The following CSGALNACT1 variants were observed in gnomAD, a reference collection of about 807,000 sequenced individuals.
The protein encoded by CSGALNACT1 is chondroitin sulfate N-acetylgalactosaminyltransferase 1, also known as beta4GalNAcT-1.
Under a neutral mutation model 51.0 loss-of-function variants are expected in CSGALNACT1, and 52 were observed. That is an observed-to-expected ratio of 1.02 (90% CI 0.82 to 1.29). The LOEUF is 1.29. CSGALNACT1 is among the 50% of genes most tolerant of loss of function. The probability of loss-of-function intolerance (pLI) is 0.00; values close to 1 mark genes in which losing one functional copy is unlikely to be tolerated. For synonymous variants in CSGALNACT1, 341 were observed against 254.4 expected (o/e 1.34, Z -3.24); for missense variants, 935 against 679.2 (o/e 1.38, Z -4.19).
intron 4 of CSGALNACT1, among the ~76,000 whole-genome samples, chr8:19,462,002 A>G (rs1255212565): frequency 6.6e-6 from 1 of 152,132 alleles, no homozygotes; most frequent in Non-Finnish European, 1.5e-5. Context: ...GACATTTGCC[A>G]TGGAGGGCCT....
intron 4 of CSGALNACT1, among the ~76,000 whole-genome samples, chr8:19,496,995 C>A (rs1009343011): frequency 3.3e-5 from 5 of 152,118 alleles, no homozygotes; most frequent in Non-Finnish European, 7.3e-5. Context: ...CTCCCGCCTC[C>A]CCTCTATGGA....
chr8:19,505,055 C>G (rs1433734153), intron 4 of CSGALNACT1, 146 bp downstream of exon 3: 2 of 797,492 alleles, frequency 2.5e-6, no homozygotes, highest in African/African-American at 3.4e-5. Flanking sequence ...AAAAGCCATG[C>G]CGTACCTTTT....
intron 6 of CSGALNACT1, among the ~76,000 whole-genome samples, chr8:19,432,466 T>G (rs1396780093): frequency 6.6e-6 from 1 of 152,186 alleles, no homozygotes; most frequent in Non-Finnish European, 1.5e-5. Context: ...AGATTAATGT[T>G]TTCCATCAAA....
intron 3 of CSGALNACT1, among the ~76,000 whole-genome samples, chr8:19,528,942 C>T (rs955146979): frequency 6.6e-6 from 1 of 152,176 alleles, no homozygotes; most frequent in African/African-American, 2.4e-5. Flanking sequence ...ACACAGCCTT[C>T]AGAAGGTCTA....
intron 1 of CSGALNACT1, among the ~76,000 whole-genome samples, chr8:19,676,237 A>G (rs1249610149): frequency 6.6e-6 from 1 of 151,960 alleles, no homozygotes; most frequent in African/African-American, 2.4e-5. Flanking sequence ...AAGACAATCA[A>G]CGGATGCCAA....
At chr8:19,651,390 A>T in intron 1 of CSGALNACT1, among the ~76,000 whole-genome samples, 1 of 152,160 alleles carries the variant, frequency 6.6e-6, no homozygotes, top group African/African-American at 2.4e-5. Context: ...CGCACCCAAT[A>T]GTTTTTTTAT....
chr8:19,699,197 T>A lies in CSGALNACT1; in HGVS notation c.-297+58653A>T, dbSNP rs142119579. ...TCGTTTTTTATTTTTAGTTTTTTAA[T>A]GACTCATTGCTATTTTTCTTGTTTT... On this transcript the variant is annotated intron_variant, in intron 1 of 1. Coordinates refer to the CSGALNACT1 transcript ENST00000517494. Among the ~76,000 whole-genome samples the A allele has an allele frequency of 7.4e-4, 112 of 152,312 alleles. 1 individual carries two copies. The highest frequency in any genetic ancestry group is 2.7e-3 in the African/African-American group (112 of 41,574).
At chr8:19,598,681 C>T (rs2049514145) in intron 2 of CSGALNACT1, among the ~76,000 whole-genome samples, 1 of 152,172 alleles carries the variant, frequency 6.6e-6, no homozygotes, top group Non-Finnish European at 1.5e-5. Flanking sequence ...TTTTTACCCC[C>T]AGATGCTCCA....
At chr8:19,688,913 T>G (rs76634716) in intron 1 of CSGALNACT1, 379 of 152,350 alleles carry the variant, frequency 2.5e-3, no homozygotes, top group African/African-American at 8.6e-3. Flanking sequence ...TGGGACAAAA[T>G]TGATTCCTAT....
intron 3 of CSGALNACT1, among the ~76,000 whole-genome samples, chr8:19,567,393 G>A (rs1420307159): frequency 1.3e-5 from 2 of 152,184 alleles, no homozygotes; most frequent in Admixed American, 6.5e-5. Flanking sequence ...AGTGAGTCAG[G>A]ACTGCCATTT....
chr8:19,479,091 C>A (rs2070631539), intron 4 of CSGALNACT1, among the ~76,000 whole-genome samples: 2 of 152,190 alleles, frequency 1.3e-5, no homozygotes, highest in Non-Finnish European at 2.9e-5. Flanking sequence ...TATTATGATA[C>A]ATGCATTGTT....
At chr8:19,553,109 A>G (rs185682626) in intron 3 of CSGALNACT1, among the ~76,000 whole-genome samples, 1 of 152,304 alleles carries the variant, frequency 6.6e-6, no homozygotes, top group East Asian at 1.9e-4. Flanking sequence ...CTGGCCTCAC[A>G]CAAGAATCAA....
chr8:19,728,752 A>C (rs2063536580), intron 1 of CSGALNACT1, among the ~76,000 whole-genome samples: 1 of 152,188 alleles, frequency 6.6e-6, no homozygotes, highest in South Asian at 2.1e-4. Flanking sequence ...ATACTTTCTT[A>C]GAATTTCTAC....
chr8:19,450,128 A>G, intron 5 of CSGALNACT1, among the ~76,000 whole-genome samples: 3 of 58,906 alleles, frequency 5.1e-5, no homozygotes, highest in African/African-American at 6.6e-5. Flanking sequence ...GGAGAAGAGG[A>G]GGAGGTGGAG....
intron 4 of CSGALNACT1, among the ~76,000 whole-genome samples, chr8:19,483,607 C>T (rs111776444): frequency 6.0e-4 from 92 of 152,262 alleles, no homozygotes; most frequent in African/African-American, 2.0e-3. Flanking sequence ...CTTTCCACAC[C>T]CTACAAGAGT....
chr8:19,550,966 G>C (rs528481047), intron 3 of CSGALNACT1, among the ~76,000 whole-genome samples: 125 of 152,284 alleles, frequency 8.2e-4, no homozygotes, highest in African/African-American at 2.9e-3. Flanking sequence ...CACGTGGTTA[G>C]AATGGGCTCC....
chr8:19,727,327 ATTTGGTTTGGTTTGGTTTGG>A (rs61695239), intron 1 of CSGALNACT1, among the ~76,000 whole-genome samples: 2 of 150,862 alleles, frequency 1.3e-5, no homozygotes, highest in Admixed American at 6.6e-5. Context: ...GTTTTGTTTG[ATTTGGTTTGGTTTGGTTTGG>A]TTTGGTTTGG....
intron 1 of CSGALNACT1, among the ~76,000 whole-genome samples, chr8:19,681,530 C>T (rs989216109): frequency 1.3e-5 from 2 of 152,188 alleles, no homozygotes; most frequent in Non-Finnish European, 2.9e-5. Context: ...GACAAGTCTC[C>T]TGGGTCTGCA....
chr8:19,491,287 T>C (rs1211486913), intron 4 of CSGALNACT1, among the ~76,000 whole-genome samples: 7 of 152,238 alleles, frequency 4.6e-5, no homozygotes, highest in Non-Finnish European at 8.8e-5. Context: ...ACCAGTCTCC[T>C]ATTGTTAGAC....
Sources: gnomAD v4.1 joint callset for allele counts (sites outside exome capture counted in the v4.1 genomes callset) on GRCh38, gnomAD v4.1.1 for gene constraint, MANE v1.5 for transcripts, NCBI Gene and HGNC (gene_info 2026-07-23, HGNC 2026-07-21) for gene names.